DHRS4L2: variants seen among roughly 807,000 people sequenced by gnomAD.
DHRS4L2 encodes dehydrogenase/reductase SDR family member 4-like 2.
Under a neutral mutation model 23.9 loss-of-function variants are expected in DHRS4L2, and 22 were observed. That is an observed-to-expected ratio of 0.92 (90% CI 0.66 to 1.31). DHRS4L2 has a LOEUF of 1.31. Ranked by LOEUF, DHRS4L2 falls within the 40% of genes most tolerant of loss-of-function variation. The probability of loss-of-function intolerance (pLI) is 0.00; values close to 1 mark genes in which losing one functional copy is unlikely to be tolerated. For synonymous variants in DHRS4L2, 141 were observed against 123.7 expected, an observed-to-expected ratio of 1.14 and a Z score of -0.93; for missense variants, 385 against 303.3, an observed-to-expected ratio of 1.27 and a Z score of -2.00.
chr14:24,005,767 C>G lies in DHRS4L2; in HGVS notation c.*23-119C>G, dbSNP rs184702556. On this transcript the variant is annotated intron_variant, in intron 7 of 7. Transcript: ENST00000335125. ...ATTTGATAGGCAGAAAGCTTGTACA[C>G]TGATCCTGAAAAGTCATCTGATAAT... 47 of 1,538,906 alleles carry G rather than the reference C, an allele frequency of 3.1e-5. No individual in the cohort carries two copies. The African/African-American group carries it at 5.5e-4, about 18-fold the overall frequency.
At chr14:23,994,559 G>A (rs371563000) in intron 2 of DHRS4L2, among the ~76,000 whole-genome samples, 10 of 151,380 alleles carry the variant, frequency 6.6e-5, no homozygotes, top group Non-Finnish European at 1.0e-4. Flanking sequence ...GTGGTGGCAC[G>A]CACTTCTACT....
exon 1 of DHRS4L2, chr14:23,970,325 C>T (rs1371951725): frequency 1.2e-5 from 5 of 425,806 alleles, no homozygotes; most frequent in South Asian, 8.3e-5. Context: ...GGAGCTGGAG[C>T]TTGACAGGTA....
intron 1 of DHRS4L2, among the ~76,000 whole-genome samples, chr14:23,971,645 C>G (rs759280805): frequency 6.6e-6 from 1 of 152,022 alleles, no homozygotes; most frequent in Non-Finnish European, 1.5e-5. Flanking sequence ...AGAAACCATA[C>G]AAACCAGAAA....
At chr14:23,983,580 A>T (rs111367260) in intron 1 of DHRS4L2, among the ~76,000 whole-genome samples, 138 of 151,790 alleles carry the variant, frequency 9.1e-4, no homozygotes, top group Middle Eastern at 3.4e-3. Flanking sequence ...ACACATGCAC[A>T]CATATGCTTA....
rs771010677 is a variant in DHRS4L2, at chr14:24,000,894, T to A, written c.440T>A (p.Leu147Gln). The change falls in exon 4 of 8, where the codon CTG (leucine) becomes CAG (glutamine). Residue 147 changes from leucine to glutamine, a missense_variant. Physicochemically the swap from Leu to Gln is moderately radical, Grantham distance 113. Transcript: ENST00000335125. ...TLDINVKAPA[L>Q]MTKAVVPEME... ...GACATTAATGTGAAGGCCCCAGCCC[T>A]GATGACAAAGGCAGTGGTGCCAGAA... is the stretch of plus-strand genomic sequence containing the variant. 1 of 1,610,908 alleles carries A rather than the reference T, an allele frequency of 6.2e-7. No individual in the cohort carries two copies. The highest frequency in any genetic ancestry group is 8.5e-7 in the Non-Finnish European group (1 of 1,179,052).
chr14:23,974,083 G>T (rs1216349474), intron 1 of DHRS4L2, among the ~76,000 whole-genome samples: 1 of 151,728 alleles, frequency 6.6e-6, no homozygotes, highest in Admixed American at 6.6e-5. Flanking sequence ...TAGAACTCAG[G>T]ACTGAAAAAC....
chr14:23,999,344 TAA>T (rs71426825), intron 3 of DHRS4L2, among the ~76,000 whole-genome samples: 49 of 53,580 alleles, frequency 9.1e-4, no homozygotes, highest in East Asian at 3.6e-3. Context: ...CTCCAATTTG[TAA>T]AAAAAAAAAA....
intron 1 of DHRS4L2, among the ~76,000 whole-genome samples, chr14:23,972,444 C>T (rs1308447787): frequency 2.6e-5 from 4 of 151,958 alleles, no homozygotes; most frequent in Non-Finnish European, 5.9e-5. Flanking sequence ...CAGACCTTCA[C>T]GGTGAGTGTT....
Position 23,996,282 on chromosome 14 carries a change from C to A in DHRS4L2, c.408+1149C>A, listed in dbSNP as rs553108954. On this transcript the variant is annotated intron_variant, in intron 3 of 7. Transcript: ENST00000335125. ...GACTTAGAGGGGACAAACTTACCAA[C>A]TATATCAGGTGTCATCAAAATTTCT... Among the ~76,000 whole-genome samples the A allele has an allele frequency of 2.0e-5, 3 of 151,458 alleles. 1 individual carries two copies. The highest frequency in any genetic ancestry group is 4.4e-5 in the Non-Finnish European group (3 of 67,894).
At chr14:23,992,347 T>G (rs1402123805) in intron 2 of DHRS4L2, among the ~76,000 whole-genome samples, 1 of 151,426 alleles carries the variant, frequency 6.6e-6, no homozygotes, top group Non-Finnish European at 1.5e-5. Context: ...AAGTGGGAAA[T>G]AGAGAAGTCA....
rs748058225 is a variant in DHRS4L2, at chr14:23,990,228, G to A, written c.175G>A (p.Val59Met). Reference protein sequence around the residue: ...ARRLAQDRAHVVVSSRKQQNV... With the variant: ...ARRLAQDRAHMVVSSRKQQNV... ...GCGTTTGGCCCAGGACAGGGCCCAC[G>A]TGGTCGTCAGCAGCCGGAAGCAGCA... The change falls in exon 2 of 8, where the codon GTG becomes ATG. Residue 59 changes from valine (V) to methionine (M), a missense_variant. Val to Met is a conservative substitution (Grantham distance 21). Transcript: ENST00000335125. 2.5e-5 allele frequency: 41 copies of A among 1,612,762 alleles called. 3 individuals carry two copies. The highest frequency in any genetic ancestry group is 6.7e-5 in the East Asian group (3 of 44,888).
chr14:23,975,313 G>C lies in DHRS4L2; in HGVS notation c.-176+4981G>C, dbSNP rs1486713013. Among the ~76,000 whole-genome samples, 3 of 151,712 alleles carry C rather than the reference G, an allele frequency of 2.0e-5. 1 individual carries two copies. The highest frequency in any genetic ancestry group is 7.3e-5 in the African/African-American group (3 of 41,266). On this transcript the variant is annotated intron_variant, in intron 1 of 5. Transcript: ENST00000534993. The stretch of plus-strand genomic sequence containing the variant: ...TAATAGACAGAGAGCCAAATCATGA[G>C]TGAAGTCCCATTCACAATTGCTACA...
chr14:23,998,878 G>A lies in DHRS4L2; in HGVS notation c.409-1985G>A, dbSNP rs1197168450. ...CACAATTTGGCTAACTGGTGCACATGGTCTAACTTTCAGCCTGCCTCAGCT... is the reference window on the plus strand; with the variant it reads ...CACAATTTGGCTAACTGGTGCACATAGTCTAACTTTCAGCCTGCCTCAGCT... On this transcript the variant is annotated intron_variant, in intron 3 of 7. Coordinates refer to ENST00000335125, the MANE Select transcript of DHRS4L2 (RefSeq NM_198083.4). Among the ~76,000 whole-genome samples, 413 of 146,924 alleles carry A rather than the reference G, an allele frequency of 2.8e-3. 2 individuals carry two copies. The highest frequency in any genetic ancestry group is 0.01 in the African/African-American group (397 of 39,586).
upstream of DHRS4L2, among the ~76,000 whole-genome samples, chr14:23,986,586 G>A (rs2034146647): frequency 6.6e-6 from 1 of 151,184 alleles, no homozygotes; most frequent in Non-Finnish European, 1.5e-5. Context: ...ACAAGGAAGG[G>A]CCATGTGTTG....
chr14:23,998,752 T>G (rs1478357998), intron 3 of DHRS4L2, among the ~76,000 whole-genome samples: 3 of 151,138 alleles, frequency 2.0e-5, no homozygotes, highest in Admixed American at 2.0e-4. Context: ...ACATAAGAAC[T>G]TTCTCTCCAT....
In DHRS4L2 at chr14:23,983,431, T is replaced by G. The variant is rs1361695744; in HGVS notation, c.-175-6751T>G. ...AATAGGAACACTTTTACACTGTTGG[T>G]GGTAGTGTAAATTAGTTCAACCGTT... is the stretch of plus-strand genomic sequence containing the variant. On this transcript the variant is annotated intron_variant, in intron 1 of 5. Coordinates refer to the DHRS4L2 transcript ENST00000534993. 5.9e-5 allele frequency among the ~76,000 whole-genome samples: 9 copies of G among 151,662 alleles called. 1 individual carries two copies. The highest frequency in any genetic ancestry group is 2.2e-4 in the African/African-American group (9 of 41,288).
At chr14:23,984,157 A>C (rs1957680), upstream of DHRS4L2, among the ~76,000 whole-genome samples, 10,254 of 151,674 alleles carry the variant, frequency 0.068, 623 homozygotes, top group East Asian at 0.2. Context: ...ACAATTTTTA[A>C]AAGAAAAATG....
At chr14:24,000,733 C>A in intron 3 of DHRS4L2, 130 bp from the exon 4 acceptor site, 1 of 787,654 alleles carries the variant, frequency 1.3e-6, no homozygotes, top group Admixed American at 2.8e-5. Flanking sequence ...GTGTAAGATG[C>A]AGGTATATCA....
At chr14:23,986,016 C>A (rs758702488), upstream of DHRS4L2, among the ~76,000 whole-genome samples, 55 of 151,574 alleles carry the variant, frequency 3.6e-4, no homozygotes, top group Non-Finnish European at 7.1e-4. Flanking sequence ...CCAGACCACA[C>A]CCGGCTCATT....
Sources: allele counts gnomAD v4.1 joint callset (sites outside exome capture counted in the v4.1 genomes callset), GRCh38; gene constraint gnomAD v4.1.1; transcripts MANE v1.5; gene names NCBI Gene and HGNC (gene_info 2026-07-23, HGNC 2026-07-21).